Variants in RRAS2 observed in about 807,000 individuals in gnomAD.
RRAS2 encodes ras-related protein R-Ras2.
RRAS2 carries 7 observed loss-of-function variants against 27.6 expected under a neutral mutation model. The ratio of observed to expected loss-of-function variants is 0.25; its 90% CI spans 0.14 to 0.48. The LOEUF (loss-of-function observed/expected upper bound fraction) is 0.48, where lower values mean the gene tolerates loss of function less well. Among genes scored for constraint, RRAS2 ranks in the 20% least tolerant of loss-of-function variants. RRAS2 has a pLI of 0.99. For synonymous variants in RRAS2, 86 were observed against 90.9 expected, an observed-to-expected ratio of 0.95 and a Z score of 0.31; for missense variants, 178 against 256.2, an observed-to-expected ratio of 0.69 and a Z score of 2.08.
At chr11:14,308,812 A>C (rs1348584147) in intron 1 of RRAS2, among the ~76,000 whole-genome samples, 1 of 152,180 alleles carries the variant, frequency 6.6e-6, no homozygotes, top group Non-Finnish European at 1.5e-5. Context: ...CTCCCCCTTC[A>C]GGTGCTATGA....
At position 14,281,615 on chromosome 11, in the gene RRAS2, C is replaced by T; in HGVS notation, c.514G>A (p.Val172Ile). 1 of 1,598,542 alleles carries T rather than the reference C, an allele frequency of 6.3e-7. No homozygotes were observed. Among genetic ancestry groups the T allele is most frequent in the Non-Finnish European group, 8.5e-7 (1 of 1,174,734 alleles). ...MNVDQAFHELVRVIRKFQEQE... is the reference protein window; with the variant it reads ...MNVDQAFHELIRVIRKFQEQE... ...TGTTTTGCTTACCTGATAACCCGGA[C>T]AAGTTCATGGAAAGCTTGATCTACA... Residue 172 changes from valine to isoleucine, a missense_variant, in exon 5 of 6, where the codon GTC becomes ATC. Val to Ile is a conservative substitution (Grantham distance 29). Coordinates refer to ENST00000256196, the MANE Select transcript of RRAS2 (RefSeq NM_012250.6).
At chr11:14,306,530 A>G (rs1321948990) in intron 1 of RRAS2, among the ~76,000 whole-genome samples, 1 of 152,138 alleles carries the variant, frequency 6.6e-6, no homozygotes, top group African/African-American at 2.4e-5. Context: ...AAGTGAGTAC[A>G]TAGTTCCTAA....
At chr11:14,286,399 TTACAGGGTACCA>T (rs1849661903) in intron 4 of RRAS2, among the ~76,000 whole-genome samples, 1 of 152,218 alleles carries the variant, frequency 6.6e-6, no homozygotes, top group Admixed American at 6.5e-5. Context: ...CTAGGTTTTG[TTACAGGGTACCA>T]GAACAGCATT....
chr11:14,295,552 A>T (rs187391328), intron 2 of RRAS2, among the ~76,000 whole-genome samples: 1 of 152,306 alleles, frequency 6.6e-6, no homozygotes, highest in African/African-American at 2.4e-5. Context: ...TTTCACTAGA[A>T]CAAGATCAAT....
intron 2 of RRAS2, among the ~76,000 whole-genome samples, chr11:14,295,200 G>C (rs1847512708): frequency 6.6e-6 from 1 of 152,110 alleles, no homozygotes; most frequent in African/African-American, 2.4e-5. Context: ...GGAAAAAACT[G>C]AAAAAGATAC....
At chr11:14,316,965 CAGG>C (rs1848121547) in intron 1 of RRAS2, among the ~76,000 whole-genome samples, 1 of 152,096 alleles carries the variant, frequency 6.6e-6, no homozygotes, top group Non-Finnish European at 1.5e-5. Context: ...CTTTTGTTGA[CAGG>C]AGGATGACAT....
rs201816880 is a variant in RRAS2, at chr11:14,279,328, G to A, written c.*9C>T. The A allele has an allele frequency of 1.3e-5, 21 of 1,589,698 alleles. No homozygotes were observed. Among genetic ancestry groups the A allele is most frequent in the Non-Finnish European group, 1.7e-5 (20 of 1,158,150 alleles). On this transcript the variant is annotated 3_prime_UTR_variant, in exon 6 of 6. Transcript: ENST00000256196. The stretch of plus-strand genomic sequence containing the variant: ...TTCCTGGCCGTTGGTAGCTAAAACT[G>A]AAGGGATTCTAGAAAATGACACAAT...
chr11:14,341,961 G>A (rs938357603), intron 1 of RRAS2: 25 of 441,426 alleles, frequency 5.7e-5, no homozygotes, highest in African/African-American at 2.0e-5. Flanking sequence ...TACAACATTA[G>A]TAATCATATG....
At chr11:14,325,310 ATTT>A (rs35405878) in intron 1 of RRAS2, among the ~76,000 whole-genome samples, 116 of 124,734 alleles carry the variant, frequency 9.3e-4, no homozygotes, top group African/African-American at 2.6e-3. Flanking sequence ...TCCTTTTAGT[ATTT>A]TTTTTTTTTT....
chr11:14,349,527 G>C (rs1225885929), intron 1 of RRAS2, among the ~76,000 whole-genome samples: 2 of 152,034 alleles, frequency 1.3e-5, no homozygotes, highest in Admixed American at 1.3e-4. Flanking sequence ...AAACATCAGA[G>C]TTCATTTTAA....
intron 1 of RRAS2, among the ~76,000 whole-genome samples, chr11:14,346,164 G>A (rs1480477676): frequency 1.3e-5 from 2 of 152,086 alleles, no homozygotes; most frequent in Non-Finnish European, 2.9e-5. Flanking sequence ...ATCAAGGATG[G>A]AGAAGACAAA....
chr11:14,319,059 C>G (rs1009996477), intron 1 of RRAS2, among the ~76,000 whole-genome samples: 6 of 152,212 alleles, frequency 3.9e-5, no homozygotes, highest in Admixed American at 2.0e-4. Context: ...GGCTAGTAAG[C>G]ATGGAGCAGA....
At chr11:14,327,550 G>A (rs1848388024) in intron 1 of RRAS2, among the ~76,000 whole-genome samples, 1 of 152,146 alleles carries the variant, frequency 6.6e-6, no homozygotes, top group Non-Finnish European at 1.5e-5. Flanking sequence ...ATTTGTACTA[G>A]TAAACTTACA....
intron 1 of RRAS2, among the ~76,000 whole-genome samples, chr11:14,354,753 T>C (rs1449336102): frequency 7.1e-6 from 1 of 140,966 alleles, no homozygotes; most frequent in Non-Finnish European, 1.5e-5. Context: ...CTTGACTCAC[T>C]GCGACCTCCA....
At chr11:14,297,524 TA>T (rs1209412333) in intron 1 of RRAS2, among the ~76,000 whole-genome samples, 1 of 152,166 alleles carries the variant, frequency 6.6e-6, no homozygotes, top group African/African-American at 2.4e-5. Flanking sequence ...CCTGTAATCC[TA>T]ACACTTTGTG....
chr11:14,339,046 G>A (rs531976157), intron 1 of RRAS2, among the ~76,000 whole-genome samples: 1 of 152,074 alleles, frequency 6.6e-6, no homozygotes, highest in Non-Finnish European at 1.5e-5. Context: ...TAGAAATCAG[G>A]AGAATGAGAG....
chr11:14,308,577 G>C (rs1023206787), intron 1 of RRAS2, among the ~76,000 whole-genome samples: 7 of 152,082 alleles, frequency 4.6e-5, no homozygotes, highest in Non-Finnish European at 8.8e-5. Context: ...TTTTAAATTT[G>C]TGGAATACAG....
intron 1 of RRAS2, among the ~76,000 whole-genome samples, chr11:14,351,532 G>C (rs575228251): frequency 6.6e-6 from 1 of 152,120 alleles, no homozygotes; most frequent in Non-Finnish European, 1.5e-5. Flanking sequence ...TTCAAGAATA[G>C]CCTGGCCAAC....
intron 1 of RRAS2, among the ~76,000 whole-genome samples, chr11:14,338,690 A>G (rs1848637270): frequency 6.6e-6 from 1 of 152,180 alleles, no homozygotes; most frequent in Non-Finnish European, 1.5e-5. Context: ...TCAATCCCGA[A>G]GTCAAATGGC....
Sources: allele counts gnomAD v4.1 joint callset (sites outside exome capture counted in the v4.1 genomes callset), GRCh38; gene constraint gnomAD v4.1.1; transcripts MANE v1.5; gene names NCBI Gene and HGNC (gene_info 2026-07-23, HGNC 2026-07-21).